WDR75: variants seen among roughly 807,000 people sequenced by gnomAD.
The protein encoded by WDR75 is WD repeat domain 75.
WDR75 carries 52 observed loss-of-function variants against 106.1 expected under a neutral mutation model. The ratio of observed to expected loss-of-function variants is 0.49; its 90% CI spans 0.39 to 0.62. WDR75 has a LOEUF of 0.62. Ranked by LOEUF, WDR75 falls within the 20% of genes least tolerant of loss-of-function variation. The pLI is 0.00. For missense variants in WDR75, 905 were observed against 970.3 expected, an observed-to-expected ratio of 0.93 and a Z score of 0.89; for synonymous variants, 333 against 335.5, an observed-to-expected ratio of 0.99 and a Z score of 0.08.
chr2:189,473,551 T>TACC (rs1213965294), intron 18 of WDR75, among the ~76,000 whole-genome samples: 6 of 151,980 alleles, frequency 3.9e-5, no homozygotes, highest in Non-Finnish European at 7.4e-5. Flanking sequence ...GATATGAAGA[T>TACC]ACCACCACCA....
intron 19 of WDR75, 74 bp from the exon 20 acceptor site, chr2:189,474,643 G>A (rs1337755621): frequency 1.5e-5 from 20 of 1,298,500 alleles, no homozygotes; most frequent in Non-Finnish European, 2.2e-5. Flanking sequence ...GGGACTCCGT[G>A]AGGACACTGT....
chr2:189,472,299 G>C (rs1687133155), intron 18 of WDR75, among the ~76,000 whole-genome samples: 1 of 152,158 alleles, frequency 6.6e-6, no homozygotes. Context: ...TTTAAACAGG[G>C]AAGTCTACGT....
At chr2:189,470,767 T>C (rs1042549569) in intron 17 of WDR75, 52 bp from the exon 18 acceptor site, 6 of 1,436,918 alleles carry the variant, frequency 4.2e-6, no homozygotes, top group Non-Finnish European at 3.8e-6. Context: ...ACACCTTGTT[T>C]AGATTTGCAC....
chr2:189,462,146 T>TTATA (rs887498181), intron 8 of WDR75, among the ~76,000 whole-genome samples: 43 of 151,714 alleles, frequency 2.8e-4, no homozygotes, highest in African/African-American at 1.0e-3. Flanking sequence ...CGGCTTTTTT[T>TTATA]TATATATATA....
At position 189,467,515 on chromosome 2, in the gene WDR75, T is replaced by A; in HGVS notation, c.1495T>A (p.Tyr499Asn). 1 of 1,607,638 alleles carries A rather than the reference T, an allele frequency of 6.2e-7. No individual in the cohort carries two copies. Residue 499 changes from tyrosine to asparagine, a missense_variant, in exon 14 of 21, where the codon TAT (tyrosine) becomes AAT (asparagine). Transcript: ENST00000314761. ...TCDFVGSYHK[Y>N]QATNCCFSED... Reference sequence around the variant, plus strand: ...TGACTTTGTTGGTAGTTATCACAAGTATCAAGCAACTAACTGTTGTTTCTC... The same window carrying A: ...TGACTTTGTTGGTAGTTATCACAAGAATCAAGCAACTAACTGTTGTTTCTC...
intron 8 of WDR75, 58 bp downstream of exon 8, chr2:189,459,482 A>C: frequency 6.8e-7 from 1 of 1,464,930 alleles, no homozygotes; most frequent in Non-Finnish European, 9.5e-7. Flanking sequence ...AAGTGTTTTA[A>C]TTCACTGTAT....
intron 14 of WDR75, 97 bp from the exon 15 acceptor site, chr2:189,468,378 T>C (rs1687048371): frequency 8.6e-6 from 9 of 1,047,208 alleles, no homozygotes; most frequent in Non-Finnish European, 1.3e-5. Context: ...TATATAAAAA[T>C]CTGCATTACA....
chr2:189,453,380 G>T (rs922160484), intron 4 of WDR75, among the ~76,000 whole-genome samples: 4 of 152,156 alleles, frequency 2.6e-5, no homozygotes, highest in Admixed American at 2.6e-4. Flanking sequence ...ACAACTTCCT[G>T]TACTCACTCC....
At chr2:189,449,145 T>A (rs1224377400) in intron 2 of WDR75, 1 of 795,116 alleles carries the variant, frequency 1.3e-6, no homozygotes, top group African/African-American at 1.8e-5. Context: ...ATGGTCATGT[T>A]AATTCTGTTC....
chr2:189,450,386 T>C (rs1452897703), intron 2 of WDR75: 1 of 971,354 alleles, frequency 1.0e-6, no homozygotes, highest in Non-Finnish European at 1.2e-6. Flanking sequence ...TTCTGGAGAG[T>C]CTCACTCTGT....
chr2:189,444,560 A>G (rs187999919), intron 1 of WDR75, among the ~76,000 whole-genome samples: 1 of 152,276 alleles, frequency 6.6e-6, no homozygotes, highest in East Asian at 1.9e-4. Flanking sequence ...ACTTTCCTAA[A>G]TTGCCCACAA....
At chr2:189,470,286 G>A in intron 17 of WDR75, 41 bp downstream of exon 17, 1 of 1,580,846 alleles carries the variant, frequency 6.3e-7, no homozygotes, top group Non-Finnish European at 8.6e-7. Flanking sequence ...TTTGTACATG[G>A]AATTTTAGAC....
intron 7 of WDR75, among the ~76,000 whole-genome samples, 166 bp downstream of exon 7, chr2:189,459,038 G>A (rs920906290): frequency 3.9e-5 from 6 of 152,146 alleles, no homozygotes; most frequent in African/African-American, 1.4e-4. Context: ...GACTTATAAA[G>A]TGAGTGAAAC....
Position 189,455,359 on chromosome 2 carries a change from C to T in WDR75, c.413C>T (p.Ser138Leu). 3 of 1,614,112 alleles carry T rather than the reference C, an allele frequency of 1.9e-6. No homozygotes were observed. The highest frequency in any genetic ancestry group is 2.5e-6 in the Non-Finnish European group (3 of 1,179,976). Reference protein sequence around the residue: ...QLVSVKLPKSSSQEVEAKELS... With the variant: ...QLVSVKLPKSLSQEVEAKELS... The stretch of plus-strand genomic sequence containing the variant: ...GTTTCAGTGAAACTGCCAAAATCCT[C>T]AAGCCAGGAAGTAGAAGCCAAGGAG... Residue 138 changes from serine to leucine, a missense_variant, in exon 5 of 21, where the codon TCA becomes TTA. Physicochemically the swap from Ser to Leu is moderately radical, Grantham distance 145. Transcript: ENST00000314761.
intron 1 of WDR75, among the ~76,000 whole-genome samples, chr2:189,445,408 G>A (rs184868579): frequency 2.0e-4 from 30 of 152,264 alleles, no homozygotes; most frequent in East Asian, 7.7e-4. Flanking sequence ...TAAGCCCACC[G>A]TCGTGTAGAA....
chr2:189,457,102 G>A (rs528287378), intron 5 of WDR75, among the ~76,000 whole-genome samples: 8 of 151,996 alleles, frequency 5.3e-5, no homozygotes, highest in Non-Finnish European at 1.0e-4. Context: ...TTAGCCAGGC[G>A]TGGTGGTAGG....
chr2:189,474,375 TAA>T, intron 19 of WDR75, 43 bp downstream of exon 19: 1 of 1,571,108 alleles, frequency 6.4e-7, no homozygotes, highest in Non-Finnish European at 8.6e-7. Context: ...TAAATGCACT[TAA>T]AGCACCTGAA....
At position 189,466,331 on chromosome 2, in the gene WDR75, A is replaced by G. The variant is rs77852112; in HGVS notation, c.1290-94A>G. The stretch of plus-strand genomic sequence containing the variant: ...GTGATTATCAGTTGCCTGTTGTTCA[A>G]GATGCTATTGTAAAATGTACAGCAT... On this transcript the variant is annotated intron_variant, in intron 12 of 20. Coordinates refer to ENST00000314761, the MANE Select transcript of WDR75 (RefSeq NM_032168.3). The G allele has an allele frequency of 0.025, 33,739 of 1,375,686 alleles. 619 individuals are homozygous for G. Among genetic ancestry groups the G allele is most frequent in the Admixed American group, 0.078 (3,768 of 48,262 alleles). 85.2% of individuals were successfully genotyped at this position (1,375,686 alleles called of 1,614,324 possible).
chr2:189,474,840 T>A, intron 20 of WDR75, 32 bp downstream of exon 20: 1 of 1,541,086 alleles, frequency 6.5e-7, no homozygotes, highest in Admixed American at 1.7e-5. Context: ...GTTTGGACAC[T>A]CTCTTTTGGG....
Sources: allele counts gnomAD v4.1 joint callset (sites outside exome capture counted in the v4.1 genomes callset), GRCh38; gene constraint gnomAD v4.1.1; transcripts MANE v1.5; gene names NCBI Gene and HGNC (gene_info 2026-07-23, HGNC 2026-07-21).